TENM2: variants seen among roughly 807,000 people sequenced by gnomAD.
TENM2 encodes teneurin transmembrane protein 2.
TENM2 carries 52 observed loss-of-function variants against 245.2 expected under a neutral mutation model. The observed-to-expected ratio is 0.21, with a 90% confidence interval of 0.17 to 0.27. The LOEUF (loss-of-function observed/expected upper bound fraction) is 0.27, where lower values mean the gene tolerates loss of function less well. Ranked by LOEUF, TENM2 falls within the 10% of genes least tolerant of loss-of-function variation. The pLI, the probability that TENM2 is intolerant of heterozygous loss-of-function variation, is 1.00. For missense variants in TENM2, 3,046 were observed against 3,666.8 expected (o/e 0.83, Z 4.37); for synonymous variants, 1,363 against 1,438.9 (o/e 0.95, Z 1.19).
chr5:167,451,840 A>G (rs11952900), intron 2 of TENM2, among the ~76,000 whole-genome samples: 36,390 of 151,846 alleles, frequency 0.24, 5,069 homozygotes, highest in East Asian at 0.43. Context: ...TAGTAGAGAC[A>G]GGGTTTCACA....
the TENM2 span, among the ~76,000 whole-genome samples, chr5:167,142,743 G>A: frequency 6.6e-6 from 1 of 152,078 alleles, no homozygotes; most frequent in Admixed American, 6.5e-5. Flanking sequence ...GTAGAGACGG[G>A]GTTTCACCAT....
the TENM2 span, among the ~76,000 whole-genome samples, chr5:167,234,465 G>C: frequency 6.6e-6 from 1 of 152,254 alleles, no homozygotes; most frequent in East Asian, 1.9e-4. Flanking sequence ...GTTTCATCAG[G>C]ACTCTGCTGT....
At chr5:167,608,965 A>G (rs1777252673) in intron 2 of TENM2, among the ~76,000 whole-genome samples, 1 of 148,492 alleles carries the variant, frequency 6.7e-6, no homozygotes, top group Non-Finnish European at 1.5e-5. Context: ...GAGGAAATCC[A>G]CACCCTACAC....
chr5:167,670,612 G>T (rs866209906), intron 2 of TENM2, among the ~76,000 whole-genome samples: 2 of 152,196 alleles, frequency 1.3e-5, no homozygotes, highest in Middle Eastern at 3.4e-3. Context: ...CTTCAGACAG[G>T]ATGGCACAGA....
At chr5:167,700,620 T>G (rs1208754483) in intron 2 of TENM2, among the ~76,000 whole-genome samples, 1 of 152,200 alleles carries the variant, frequency 6.6e-6, no homozygotes, top group Non-Finnish European at 1.5e-5. Context: ...GGTACACCTA[T>G]GCCCCTGTAA....
Position 167,719,396 on chromosome 5 carries a change from C to T in TENM2, c.503-156590C>T, listed in dbSNP as rs1184502827. Among the ~76,000 whole-genome samples, 2 of 152,282 alleles carry T rather than the reference C, an allele frequency of 1.3e-5. 1 individual carries two copies. Among genetic ancestry groups the T allele is most frequent in the Admixed American group, 1.3e-4 (2 of 15,284 alleles). On this transcript the variant is annotated intron_variant, in intron 2 of 28. Transcript: ENST00000518659. The stretch of plus-strand genomic sequence containing the variant: ...CAAGAATTGAGATTTTAGGACAACA[C>T]TAGGATGTGAGAAAAATTCCTAAGG...
chr5:167,981,746 G>A lies in TENM2; in HGVS notation c.948-11198G>A, dbSNP rs1483418449. Among the ~76,000 whole-genome samples, 15 of 152,112 alleles carry A rather than the reference G, an allele frequency of 9.9e-5. 1 individual carries two copies. Among genetic ancestry groups the A allele is most frequent in the Admixed American group, 8.5e-4 (13 of 15,276 alleles). On this transcript the variant is annotated intron_variant, in intron 4 of 28. Transcript: ENST00000518659. ...GCCTTTAATGCCAGCACTTTGGGAC[G>A]GCAGATCACCTGAGGTCAGGAGTTC...
At chr5:166,991,256 A>G in the TENM2 span, among the ~76,000 whole-genome samples, 1 of 151,920 alleles carries the variant, frequency 6.6e-6, no homozygotes, top group South Asian at 2.1e-4. Flanking sequence ...GTAGGGGATG[A>G]AAAACTAATG....
chr5:167,181,600 C>T, the TENM2 span, among the ~76,000 whole-genome samples: 3 of 151,676 alleles, frequency 2.0e-5, no homozygotes, highest in East Asian at 5.8e-4. Context: ...GTGTCTGGCT[C>T]AACACGAGTA....
the TENM2 span, among the ~76,000 whole-genome samples, chr5:167,226,163 C>G: frequency 1.3e-5 from 2 of 151,812 alleles, no homozygotes; most frequent in African/African-American, 2.4e-5. Flanking sequence ...TAATTCTGCT[C>G]TGATCTTCTT....
At chr5:167,812,442 C>A (rs1369648686) in intron 2 of TENM2, among the ~76,000 whole-genome samples, 1 of 152,002 alleles carries the variant, frequency 6.6e-6, no homozygotes, top group African/African-American at 2.4e-5. Context: ...TGTGTAGAAC[C>A]CTCAGGATCA....
At chr5:167,084,327 TTATATATA>T in the TENM2 span, among the ~76,000 whole-genome samples, 897 of 23,172 alleles carry the variant, frequency 0.039, 74 homozygotes, top group Middle Eastern at 0.1. Context: ...GCCATTTTAG[TTATATATA>T]TATATATATA....
chr5:167,950,303 A>G (rs370623895), intron 3 of TENM2, among the ~76,000 whole-genome samples: 1 of 152,202 alleles, frequency 6.6e-6, no homozygotes, highest in East Asian at 1.9e-4. Context: ...CATAACACAG[A>G]TGGACCTCAC....
intron 5 of TENM2, among the ~76,000 whole-genome samples, chr5:168,009,050 A>T (rs1785031365): frequency 6.6e-6 from 1 of 152,240 alleles, no homozygotes; most frequent in African/African-American, 2.4e-5. Flanking sequence ...TAAAAGGCTA[A>T]CAAAATTCCT....
intron 4 of TENM2, among the ~76,000 whole-genome samples, chr5:167,967,318 G>A (rs1295677170): frequency 1.3e-5 from 2 of 152,178 alleles, no homozygotes; most frequent in African/African-American, 4.8e-5. Flanking sequence ...CCACTGCTCT[G>A]TAATTTATGG....
At chr5:167,673,352 C>T (rs1379578112) in intron 2 of TENM2, among the ~76,000 whole-genome samples, 2 of 152,002 alleles carry the variant, frequency 1.3e-5, no homozygotes, top group African/African-American at 4.8e-5. Context: ...TTCCCATTAA[C>T]ACCGTTTTGA....
chr5:167,897,082 A>G (rs1775283620), intron 3 of TENM2, among the ~76,000 whole-genome samples: 1 of 152,216 alleles, frequency 6.6e-6, no homozygotes, highest in African/African-American at 2.4e-5. Flanking sequence ...CACGCATCAA[A>G]GAATGGGAGG....
intron 2 of TENM2, among the ~76,000 whole-genome samples, chr5:167,570,034 A>G (rs1164157372): frequency 6.6e-6 from 1 of 152,194 alleles, no homozygotes; most frequent in Admixed American, 6.5e-5. Context: ...GGTCTCTGAT[A>G]AAAGATTGGA....
At chr5:167,510,834 G>A (rs900793171) in intron 2 of TENM2, among the ~76,000 whole-genome samples, 4 of 152,080 alleles carry the variant, frequency 2.6e-5, no homozygotes, top group South Asian at 2.1e-4. Context: ...TGTGTATGAT[G>A]TGCAAAATCT....
Sources: allele counts gnomAD v4.1 joint callset (sites outside exome capture counted in the v4.1 genomes callset), GRCh38; gene constraint gnomAD v4.1.1; transcripts MANE v1.5; gene names NCBI Gene and HGNC (gene_info 2026-07-23, HGNC 2026-07-21).